Variants in ERC2 observed in about 807,000 individuals in gnomAD.
ERC2 encodes ELKS/RAB6-interacting/CAST family member 2.
In ERC2, 42 loss-of-function variants were observed where a neutral mutation model predicts 114.8. That is an observed-to-expected ratio of 0.37 (90% CI 0.29 to 0.47). The LOEUF is 0.47. Among genes scored for constraint, ERC2 ranks in the 20% least tolerant of loss-of-function variants. The pLI, the probability that ERC2 is intolerant of heterozygous loss-of-function variation, is 0.99. For synonymous variants in ERC2, 454 were observed against 425.5 expected (o/e 1.07, Z -0.82); for missense variants, 939 against 1,150.7 (o/e 0.82, Z 2.66).
At chr3:55,525,661 G>C (rs541278709) in intron 17 of ERC2, among the ~76,000 whole-genome samples, 4 of 152,312 alleles carry the variant, frequency 2.6e-5, no homozygotes, top group East Asian at 3.9e-4. Context: ...GAATGGGAAG[G>C]GGGGAGTAGC....
intron 6 of ERC2, among the ~76,000 whole-genome samples, chr3:56,100,211 T>A (rs570777287): frequency 1.3e-4 from 20 of 152,348 alleles, no homozygotes; most frequent in South Asian, 1.0e-3. Flanking sequence ...ATAACGTTAT[T>A]TTTCAAATGT....
At chr3:55,690,159 T>C (rs902633147) in intron 16 of ERC2, among the ~76,000 whole-genome samples, 2 of 152,168 alleles carry the variant, frequency 1.3e-5, no homozygotes, top group Non-Finnish European at 2.9e-5. Flanking sequence ...ATTTTTAAAA[T>C]GCTATTGGTC....
At chr3:55,933,714 T>C (rs1178662244) in intron 13 of ERC2, among the ~76,000 whole-genome samples, 2 of 152,198 alleles carry the variant, frequency 1.3e-5, no homozygotes, top group East Asian at 1.9e-4. Flanking sequence ...CATTTCCTCC[T>C]CAGTCACCTC....
chr3:56,327,670 C>A (rs11130513), intron 2 of ERC2, among the ~76,000 whole-genome samples: 33,124 of 151,932 alleles, frequency 0.22, 4,256 homozygotes, highest in Non-Finnish European at 0.28. Flanking sequence ...AGCAAGACTC[C>A]ATCTCAATCA....
intron 2 of ERC2, among the ~76,000 whole-genome samples, chr3:56,318,590 CA>C (rs750926050): frequency 1.1e-3 from 150 of 136,318 alleles, no homozygotes; most frequent in Admixed American, 1.0e-3. Flanking sequence ...AACTCAAAAG[CA>C]AAAAAAAAAA....
Position 55,920,446 on chromosome 3 carries a change from A to ACACACC in ERC2, c.2403+29978_2403+29979insGGTGTG, listed in dbSNP as rs57638674. ...CACACACACACACACACACACACAC[A>ACACACC]CCCCAAGTGAGAAGGATATTGCTAA... is the stretch of plus-strand genomic sequence containing the variant. On this transcript the variant is annotated intron_variant, in intron 13 of 17. Coordinates refer to ENST00000288221, the MANE Select transcript of ERC2 (RefSeq NM_015576.3). Among the ~76,000 whole-genome samples, 102 of 145,544 alleles carry ACACACC rather than the reference A, an allele frequency of 7.0e-4. 1 individual carries two copies. The Middle Eastern group carries it at 0.014, about 20-fold the overall frequency.
chr3:56,244,362 T>G (rs1257563043), intron 3 of ERC2, among the ~76,000 whole-genome samples: 7 of 152,338 alleles, frequency 4.6e-5, no homozygotes, highest in African/African-American at 1.7e-4. Flanking sequence ...TTATACTTTT[T>G]ATCTTGATTT....
intron 3 of ERC2, among the ~76,000 whole-genome samples, chr3:56,270,859 G>C (rs994054631): frequency 6.6e-6 from 1 of 152,122 alleles, no homozygotes; most frequent in Non-Finnish European, 1.5e-5. Flanking sequence ...GCGGGTGCCC[G>C]TAGTCACAGC....
chr3:56,303,562 A>G (rs2056033472), intron 2 of ERC2, among the ~76,000 whole-genome samples: 1 of 152,192 alleles, frequency 6.6e-6, no homozygotes, highest in Non-Finnish European at 1.5e-5. Context: ...GCTAGATAAG[A>G]GCAAATATGC....
At chr3:56,407,196 C>G (rs1045215881) in intron 2 of ERC2, among the ~76,000 whole-genome samples, 2 of 152,154 alleles carry the variant, frequency 1.3e-5, no homozygotes, top group Non-Finnish European at 1.5e-5. Flanking sequence ...TATTAGTATT[C>G]CTATTGTGAA....
At chr3:55,583,538 TTCCTTTCTTC>T in intron 17 of ERC2, among the ~76,000 whole-genome samples, 2 of 51,656 alleles carry the variant, frequency 3.9e-5, no homozygotes, top group Admixed American at 4.5e-4. Flanking sequence ...CCTTCCTTCC[TTCCTTTCTTC>T]CTTCCTTCCT....
At chr3:56,142,827 T>G (rs1021117117) in intron 5 of ERC2, among the ~76,000 whole-genome samples, 2 of 152,018 alleles carry the variant, frequency 1.3e-5, no homozygotes, top group African/African-American at 4.8e-5. Context: ...TTTTTGGTAC[T>G]GTGTACTAGT....
intron 17 of ERC2, among the ~76,000 whole-genome samples, chr3:55,584,422 G>A (rs1382049317): frequency 6.6e-6 from 1 of 152,154 alleles, no homozygotes; most frequent in Non-Finnish European, 1.5e-5. Context: ...AGTTGTCCAT[G>A]CCAGGTGTTC....
chr3:56,217,597 C>A (rs1327061688), intron 3 of ERC2, among the ~76,000 whole-genome samples: 1 of 152,192 alleles, frequency 6.6e-6, no homozygotes, highest in Non-Finnish European at 1.5e-5. Context: ...CCATCCCCAT[C>A]AAGCTACCAA....
rs568864198 is a variant in ERC2 at position 56,351,025 on chromosome 3, G to T, written c.658-54590C>A. ...ATAGCCAGAATTGAACTTCAGGTCC[G>T]CCTAGTTCCAAAGCCTGCCCTGGGG... On this transcript the variant is annotated intron_variant, in intron 2 of 17. Coordinates refer to ENST00000288221, the MANE Select transcript of ERC2 (RefSeq NM_015576.3). Among the ~76,000 whole-genome samples the T allele has an allele frequency of 3.3e-5, 5 of 152,242 alleles. No homozygotes were observed. In the East Asian group the frequency reaches 5.8e-4, roughly 18 times the overall value.
intron 2 of ERC2, among the ~76,000 whole-genome samples, chr3:56,395,464 T>G (rs2060272346): frequency 6.6e-6 from 1 of 152,194 alleles, no homozygotes; most frequent in Non-Finnish European, 1.5e-5. Context: ...GTTGAATTTG[T>G]AAACCCCAAT....
chr3:56,095,463 G>T (rs17825183), intron 6 of ERC2, among the ~76,000 whole-genome samples: 1 of 152,072 alleles, frequency 6.6e-6, no homozygotes, highest in Non-Finnish European at 1.5e-5. Flanking sequence ...AAAATGCAGC[G>T]TGTATTCCAG....
intron 3 of ERC2, among the ~76,000 whole-genome samples, chr3:56,223,111 G>A (rs573039115): frequency 1.3e-5 from 2 of 152,324 alleles, no homozygotes; most frequent in East Asian, 3.9e-4. Flanking sequence ...CAAAAACAGG[G>A]CAGCTGACCA....
At chr3:56,246,093 T>TAAA (rs34868223) in intron 3 of ERC2, among the ~76,000 whole-genome samples, 31 of 127,620 alleles carry the variant, frequency 2.4e-4, no homozygotes, top group Non-Finnish European at 4.1e-4. Flanking sequence ...TCAGATTCTT[T>TAAA]AAAAAAAAAA....
Sources: allele counts gnomAD v4.1 joint callset (sites outside exome capture counted in the v4.1 genomes callset), GRCh38; gene constraint gnomAD v4.1.1; transcripts MANE v1.5; gene names NCBI Gene and HGNC (gene_info 2026-07-23, HGNC 2026-07-21).